IQSEC1: variants seen among roughly 807,000 people sequenced by gnomAD.
The protein encoded by IQSEC1 is IQ motif and SEC7 domain-containing protein 1.
A neutral mutation model predicts 91.0 loss-of-function variants in IQSEC1; 31 were observed. That is an observed-to-expected ratio of 0.34 (90% CI 0.26 to 0.46). The LOEUF (loss-of-function observed/expected upper bound fraction) is 0.46, where lower values mean the gene tolerates loss of function less well. Among genes scored for constraint, IQSEC1 ranks in the 20% least tolerant of loss-of-function variants. The probability of loss-of-function intolerance (pLI) is 1.00; values close to 1 mark genes in which losing one functional copy is unlikely to be tolerated. For synonymous variants in IQSEC1, 699 were observed against 662.6 expected (o/e 1.05, Z -0.84); for missense variants, 1,388 against 1,575.6 (o/e 0.88, Z 2.02).
intron 1 of IQSEC1, among the ~76,000 whole-genome samples, chr3:13,167,159 C>G (rs915556776): frequency 1.3e-5 from 2 of 152,174 alleles, no homozygotes; most frequent in Non-Finnish European, 2.9e-5. Flanking sequence ...CATCCTGGAG[C>G]CTTCTCGTTC....
At chr3:12,955,447 T>C (rs1559669947) in intron 1 of IQSEC1, among the ~76,000 whole-genome samples, 1 of 152,198 alleles carries the variant, frequency 6.6e-6, no homozygotes, top group African/African-American at 2.4e-5. Flanking sequence ...AGGGGGGCTG[T>C]GAGGCTCTGG....
In IQSEC1 at chr3:12,994,591, A is replaced by C. The variant is rs1489509311; in HGVS notation, c.24-52726T>G. On this transcript the variant is annotated intron_variant, in intron 1 of 13. Transcript: ENST00000613206. This position sits in a 1 kb window ranked among gnomAD's most constrained non-coding sequence, Gnocchi z 4.5. ...CAGGCCAAGTCCCCCGGCTCCTCCG[A>C]GGGAAAGCTGCAGCCCCGGCCGAAA... Among the ~76,000 whole-genome samples the C allele has an allele frequency of 6.6e-6, 1 of 151,934 alleles. No individual in the cohort carries two copies. The highest frequency in any genetic ancestry group is 1.5e-5 in the Non-Finnish European group (1 of 67,964).
At chr3:13,050,464 T>A (rs970822255) in intron 1 of IQSEC1, among the ~76,000 whole-genome samples, 1 of 152,136 alleles carries the variant, frequency 6.6e-6, no homozygotes, top group Non-Finnish European at 1.5e-5. Flanking sequence ...ATAGTGCCCA[T>A]AAAGTAAAAG....
chr3:13,221,025 C>T (rs1245086553), intron 1 of IQSEC1, among the ~76,000 whole-genome samples: 2 of 152,210 alleles, frequency 1.3e-5, no homozygotes, highest in Non-Finnish European at 2.9e-5. Context: ...AGAAAGGCAG[C>T]GACTGAGGCT....
chr3:13,198,830 G>A (rs1449298378), intron 1 of IQSEC1, among the ~76,000 whole-genome samples: 1 of 152,196 alleles, frequency 6.6e-6, no homozygotes, highest in Non-Finnish European at 1.5e-5. Context: ...CATGCCCTTG[G>A]AGTGAGGAGT....
intron 1 of IQSEC1, among the ~76,000 whole-genome samples, chr3:13,238,224 G>A (rs1210069416): frequency 1.3e-5 from 2 of 152,162 alleles, no homozygotes; most frequent in Non-Finnish European, 2.9e-5. Flanking sequence ...TTCCTCTCCT[G>A]GTCCTGGCAA....
intron 2 of IQSEC1, among the ~76,000 whole-genome samples, chr3:13,121,005 GC>G (rs1191948646): frequency 1.3e-5 from 2 of 152,164 alleles, no homozygotes; most frequent in Non-Finnish European, 2.9e-5. Context: ...CCTGACTATT[GC>G]CCCAGCAGCA....
intron 1 of IQSEC1, among the ~76,000 whole-genome samples, chr3:13,181,121 A>G (rs1693835672): frequency 1.3e-5 from 2 of 152,140 alleles, no homozygotes; most frequent in Non-Finnish European, 1.5e-5. Flanking sequence ...AATACAAAAA[A>G]TTAGCCGGGC....
At chr3:13,192,788 C>T (rs992252977) in intron 1 of IQSEC1, among the ~76,000 whole-genome samples, 2 of 152,256 alleles carry the variant, frequency 1.3e-5, no homozygotes, top group Admixed American at 6.5e-5. Context: ...CCCTGTGTGT[C>T]CACCTGGCTG....
rs1694440394 is a variant in IQSEC1, at chr3:13,211,320, C to T, written c.273-47187G>A. Among the ~76,000 whole-genome samples, 1 of 152,212 alleles carries T rather than the reference C, an allele frequency of 6.6e-6. No homozygotes were observed. Among genetic ancestry groups the T allele is most frequent in the Admixed American group, 6.5e-5 (1 of 15,292 alleles). The stretch of plus-strand genomic sequence containing the variant: ...GCAGCGAGCTCTTCATCCTGTTGCT[C>T]CTGAACCCAGGACTTCTAATAGCGT... On this transcript the variant is annotated intron_variant, in intron 1 of 15. Coordinates refer to the IQSEC1 transcript ENST00000648114. The surrounding 1 kb of genome is among the most constrained non-coding windows in gnomAD (Gnocchi z 5.3).
chr3:13,187,630 G>C (rs1475802105), intron 1 of IQSEC1, among the ~76,000 whole-genome samples: 1 of 152,184 alleles, frequency 6.6e-6, no homozygotes, highest in African/African-American at 2.4e-5. Context: ...CACAGTAGGT[G>C]CTCAATAAAC....
intron 1 of IQSEC1, among the ~76,000 whole-genome samples, chr3:13,204,512 C>G (rs997310038): frequency 6.6e-6 from 1 of 152,264 alleles, no homozygotes; most frequent in African/African-American, 2.4e-5. Context: ...AGGCCGGGGC[C>G]GCCCACCGCT....
intron 1 of IQSEC1, chr3:12,960,223 T>A (rs538966502): frequency 2.6e-5 from 4 of 152,286 alleles, no homozygotes; most frequent in African/African-American, 9.6e-5. Context: ...TTTCCCATCA[T>A]CTCGGGTGGA....
chr3:13,112,190 A>G (rs1350949445), intron 2 of IQSEC1, among the ~76,000 whole-genome samples: 2 of 152,160 alleles, frequency 1.3e-5, no homozygotes, highest in African/African-American at 4.8e-5. Context: ...ACACAGAGGG[A>G]GTTAGCGGCT....
At chr3:13,176,595 T>C (rs1228412714) in intron 1 of IQSEC1, among the ~76,000 whole-genome samples, 2 of 152,126 alleles carry the variant, frequency 1.3e-5, no homozygotes, top group East Asian at 3.9e-4. Context: ...GGTCCCAGGG[T>C]GCAGCCCTCT....
At chr3:13,196,006 G>C (rs533046183) in intron 1 of IQSEC1, among the ~76,000 whole-genome samples, 46 of 152,320 alleles carry the variant, frequency 3.0e-4, no homozygotes, top group African/African-American at 1.1e-3. Flanking sequence ...TCTCTGAATA[G>C]AAGGTTACTT....
chr3:12,958,089 G>A (rs1416367632), intron 1 of IQSEC1, among the ~76,000 whole-genome samples: 1 of 152,188 alleles, frequency 6.6e-6, no homozygotes, highest in Non-Finnish European at 1.5e-5. Context: ...TGCCTGTCAT[G>A]TTCTTACCTC....
At chr3:13,092,130 C>A (rs1041672470) in intron 2 of IQSEC1, among the ~76,000 whole-genome samples, 4 of 152,098 alleles carry the variant, frequency 2.6e-5, no homozygotes, top group African/African-American at 7.2e-5. Context: ...GAACTGACTG[C>A]ATCAAAAGGG....
intron 1 of IQSEC1, among the ~76,000 whole-genome samples, chr3:12,999,262 C>A (rs892033855): frequency 2.0e-5 from 3 of 152,138 alleles, no homozygotes; most frequent in Non-Finnish European, 4.4e-5. Context: ...GCTCCAGAAC[C>A]TTCTCCCTGG....
Sources: allele counts gnomAD v4.1 joint callset (sites outside exome capture counted in the v4.1 genomes callset), GRCh38; gene constraint gnomAD v4.1.1; non-coding constraint Gnocchi (gnomAD v3.1); transcripts MANE v1.5; gene names NCBI Gene and HGNC (gene_info 2026-07-23, HGNC 2026-07-21).